KCNK12: variants seen among roughly 807,000 people sequenced by gnomAD.
KCNK12 encodes the protein potassium two pore domain channel subfamily K member 12.
KCNK12 carries 6 observed loss-of-function variants against 25.3 expected under a neutral mutation model. That is an observed-to-expected ratio of 0.24 (90% CI 0.13 to 0.47). The LOEUF (loss-of-function observed/expected upper bound fraction) is 0.47, where lower values mean the gene tolerates loss of function less well. Among genes scored for constraint, KCNK12 ranks in the 20% least tolerant of loss-of-function variants. KCNK12 has a pLI of 0.99. For missense variants in KCNK12, 444 were observed against 661.7 expected (o/e 0.67, Z 3.61); for synonymous variants, 331 against 311.1 (o/e 1.06, Z -0.67).
intron 1 of KCNK12, among the ~76,000 whole-genome samples, chr2:47,550,638 C>A (rs982067725): frequency 2.0e-5 from 3 of 152,068 alleles, no homozygotes; most frequent in Non-Finnish European, 4.4e-5. Flanking sequence ...CCGCCTCGGC[C>A]TCCCAAAGTG....
chr2:47,568,990 G>A (rs900882189), intron 1 of KCNK12, among the ~76,000 whole-genome samples: 1 of 152,042 alleles, frequency 6.6e-6, no homozygotes, highest in Non-Finnish European at 1.5e-5. Flanking sequence ...AAGTGAGTGA[G>A]AGGAGAGGAA....
chr2:47,521,872 T>TGGGGGGTGGGG, intron 1 of KCNK12, 64 bp from the exon 2 acceptor site: 5 of 224,468 alleles, frequency 2.2e-5, no homozygotes, highest in East Asian at 8.5e-5. Flanking sequence ...TGGGCGAGGG[T>TGGGGGGTGGGG]GGGGGGTGTG....
intron 1 of KCNK12, among the ~76,000 whole-genome samples, chr2:47,541,388 A>T (rs998765548): frequency 3.3e-5 from 5 of 152,178 alleles, no homozygotes; most frequent in African/African-American, 4.8e-5. Flanking sequence ...ATTTCTGAAA[A>T]TCACCAAGCC....
At chr2:47,541,838 T>A (rs906858714) in intron 1 of KCNK12, among the ~76,000 whole-genome samples, 1 of 152,128 alleles carries the variant, frequency 6.6e-6, no homozygotes, top group Non-Finnish European at 1.5e-5. Flanking sequence ...GCCTCCAGAA[T>A]TGTGAGAAAA....
intron 1 of KCNK12, among the ~76,000 whole-genome samples, chr2:47,559,535 C>G (rs1013750671): frequency 3.9e-5 from 6 of 152,214 alleles, no homozygotes; most frequent in Admixed American, 1.3e-4. Context: ...TACCTCTTTG[C>G]TGCACTTCGA....
At chr2:47,524,497 A>G (rs1047996384) in intron 1 of KCNK12, among the ~76,000 whole-genome samples, 8 of 152,380 alleles carry the variant, frequency 5.3e-5, no homozygotes, top group African/African-American at 1.7e-4. Flanking sequence ...AAAATTCAAA[A>G]TCAGGCCAAA....
intron 1 of KCNK12, chr2:47,563,090 G>A (rs1669715327): frequency 4.3e-6 from 1 of 233,218 alleles, no homozygotes; most frequent in South Asian, 1.8e-4. Flanking sequence ...ACAAGGCATG[G>A]GAGTGCTGCT....
At position 47,514,498 on chromosome 2, in the gene KCNK12, C is replaced by A. The variant is rs1250913385; in HGVS notation, c.*6409G>T. ...CCCAAGACAAAATGGGAGGAAAGTG[C>A]CAAATTTCCAAGATTGGCCAGGGGA... On this transcript the variant is annotated 3_prime_UTR_variant, in exon 2 of 2. Coordinates refer to ENST00000327876, the MANE Select transcript of KCNK12 (RefSeq NM_022055.2). This position sits in a 1 kb window ranked among gnomAD's most constrained non-coding sequence, Gnocchi z 5.0. Among the ~76,000 whole-genome samples, 1 of 152,194 alleles carries A rather than the reference C, an allele frequency of 6.6e-6. No homozygotes were observed. Among genetic ancestry groups the A allele is most frequent in the African/African-American group, 2.4e-5 (1 of 41,442 alleles).
chr2:47,534,399 AAGATGACTCATTTACAT>A (rs1004648692), intron 1 of KCNK12, among the ~76,000 whole-genome samples: 9 of 151,404 alleles, frequency 5.9e-5, no homozygotes, highest in African/African-American at 2.2e-4. Context: ...AGCTGGCGGG[AAGATGACTCATTTACAT>A]ACAGCCCGTC....
chr2:47,524,403 C>T (rs893263702), intron 1 of KCNK12, among the ~76,000 whole-genome samples: 2 of 152,156 alleles, frequency 1.3e-5, no homozygotes, highest in Non-Finnish European at 2.9e-5. Context: ...CTACTTGAAA[C>T]AACATGGATA....
rs1668831351 is a variant in KCNK12 at position 47,528,206 on chromosome 2, T to G, written c.392-6398A>C. The G allele has an allele frequency of 6.6e-6, 1 of 152,306 alleles. No homozygotes were observed. The highest frequency in any genetic ancestry group is 6.5e-5 in the Admixed American group (1 of 15,286). The allele number at this position is 152,306 out of a possible 1,614,324, so 9.4% of individuals were successfully genotyped here. On this transcript the variant is annotated intron_variant, in intron 1 of 1. Transcript: ENST00000327876. The surrounding 1 kb of genome is among the most constrained non-coding windows in gnomAD (Gnocchi z 4.5). ...AAGGGACAGGTGAGGCAGAAGGGTC[T>G]CCGACAGCGCACAGGGCAACCAGTG...
chr2:47,562,937 C>T lies in KCNK12; in HGVS notation c.391+7004G>A. Reference sequence around the variant, plus strand: ...TGGCTGGTGGCCCCATGCAGAGCCCCCGACCCCGGAAAGTCAGTGGAACTG... The same window carrying T: ...TGGCTGGTGGCCCCATGCAGAGCCCTCGACCCCGGAAAGTCAGTGGAACTG... On this transcript the variant is annotated intron_variant, in intron 1 of 1. Coordinates refer to ENST00000327876, the MANE Select transcript of KCNK12 (RefSeq NM_022055.2). The surrounding 1 kb of genome is among the most constrained non-coding windows in gnomAD (Gnocchi z 4.8). 1 of 233,604 alleles carries T rather than the reference C, an allele frequency of 4.3e-6. No individual in the cohort carries two copies. Among genetic ancestry groups the T allele is most frequent in the Non-Finnish European group, 8.4e-6 (1 of 118,358 alleles). 14.5% of individuals were successfully genotyped at this position (233,604 alleles called of 1,614,324 possible).
At position 47,521,066 on chromosome 2, in the gene KCNK12, G is replaced by C; in HGVS notation, c.1134C>G (p.Asn378Lys). ...LISMRDLTAS[N>K]KVSLALLQKQ... ...TCTGCAGCAGCGCCAGCGACACCTT[G>C]TTGGAGGCCGTGAGGTCGCGCATGG... is the stretch of plus-strand genomic sequence containing the variant. The change falls in exon 2 of 2, where the codon AAC (asparagine) becomes AAG (lysine). Residue 378 changes from asparagine to lysine, a missense_variant. Around this residue, in one of 8 missense-constraint regions of KCNK12, gnomAD observed 9 missense variants for 36.8 expected, o/e 0.24. Coordinates refer to ENST00000327876, the MANE Select transcript of KCNK12 (RefSeq NM_022055.2). 7.3e-7 allele frequency: 1 copy of C among 1,371,308 alleles called. No individual in the cohort carries two copies. Among genetic ancestry groups the C allele is most frequent in the Non-Finnish European group, 9.4e-7 (1 of 1,060,478 alleles). 84.9% of individuals were successfully genotyped at this position (1,371,308 alleles called of 1,614,324 possible).
chr2:47,562,403 A>T lies in KCNK12; in HGVS notation c.391+7538T>A, dbSNP rs1669692302. ...AGGAAGCAGATGGAGGAGAAACCCC[A>T]GGGCTCAATTTTTCTAAGGGCCCAG... On this transcript the variant is annotated intron_variant, in intron 1 of 1. Coordinates refer to ENST00000327876, the MANE Select transcript of KCNK12 (RefSeq NM_022055.2). This position sits in a 1 kb window ranked among gnomAD's most constrained non-coding sequence, Gnocchi z 4.8. The T allele has an allele frequency of 3.1e-6, 1 of 319,802 alleles. No homozygotes were observed. The highest frequency in any genetic ancestry group is 5.7e-6 in the Non-Finnish European group (1 of 176,066). The allele number at this position is 319,802 out of a possible 1,614,324, so 19.8% of individuals were successfully genotyped here.
chr2:47,534,596 C>A (rs558234134), intron 1 of KCNK12, among the ~76,000 whole-genome samples: 14 of 138,418 alleles, frequency 1.0e-4, no homozygotes, highest in Non-Finnish European at 2.1e-4. Context: ...AAATCCAAGA[C>A]CAAGGGAGGC....
chr2:47,528,890 T>C lies in KCNK12; in HGVS notation c.392-7082A>G, dbSNP rs1344789035. Among the ~76,000 whole-genome samples the C allele has an allele frequency of 6.6e-6, 1 of 151,984 alleles. No individual in the cohort carries two copies. Among genetic ancestry groups the C allele is most frequent in the East Asian group, 1.9e-4 (1 of 5,164 alleles). ...GTGCAGCCCTGGGCGGCAGCCTCGG[T>C]TGGGCCCTTGACACACTCCTCCCAT... On this transcript the variant is annotated intron_variant, in intron 1 of 1. Transcript: ENST00000327876. The surrounding 1 kb of genome is among the most constrained non-coding windows in gnomAD (Gnocchi z 4.5).
chr2:47,553,575 G>C (rs1460473789), intron 1 of KCNK12, among the ~76,000 whole-genome samples: 2 of 152,192 alleles, frequency 1.3e-5, no homozygotes, highest in South Asian at 2.1e-4. Flanking sequence ...GGTAGTTCTA[G>C]AGACTAACAG....
rs535674090 is a variant in KCNK12 at position 47,547,288 on chromosome 2, T to C, written c.391+22653A>G. On this transcript the variant is annotated intron_variant, in intron 1 of 1. Coordinates refer to ENST00000327876, the MANE Select transcript of KCNK12 (RefSeq NM_022055.2). The surrounding 1 kb of genome is among the most constrained non-coding windows in gnomAD (Gnocchi z 5.0). ...ACCTTGACAGCAACTGAAATTACTC[T>C]CATGAGGAGTTTTACAAAATGCTAA... is the stretch of plus-strand genomic sequence containing the variant. Among the ~76,000 whole-genome samples the C allele has an allele frequency of 1.3e-5, 2 of 152,268 alleles. No homozygotes were observed. Among genetic ancestry groups the C allele is most frequent in the East Asian group, 3.9e-4 (2 of 5,186 alleles).
At chr2:47,523,433 A>G (rs1292992262) in intron 1 of KCNK12, among the ~76,000 whole-genome samples, 2 of 152,176 alleles carry the variant, frequency 1.3e-5, no homozygotes, top group Non-Finnish European at 2.9e-5. Flanking sequence ...TGCTGCTGGT[A>G]TATCAAATTG....
Sources: allele counts gnomAD v4.1 joint callset (sites outside exome capture counted in the v4.1 genomes callset), GRCh38; gene constraint gnomAD v4.1.1; regional missense constraint gnomAD v4.1.1; non-coding constraint Gnocchi (gnomAD v3.1); transcripts MANE v1.5; gene names NCBI Gene and HGNC (gene_info 2026-07-23, HGNC 2026-07-21).